Variants in RFTN2 observed in about 807,000 individuals in gnomAD.
The protein encoded by RFTN2 is raftlin family member 2.
A neutral mutation model predicts 52.7 loss-of-function variants in RFTN2; 34 were observed. That is an observed-to-expected ratio of 0.64 (90% CI 0.49 to 0.86). The LOEUF (loss-of-function observed/expected upper bound fraction) is 0.86, where lower values mean the gene tolerates loss of function less well. Among genes scored for constraint, RFTN2 ranks in the 40% least tolerant of loss-of-function variants. RFTN2 has a pLI of 0.00. For synonymous variants in RFTN2, 203 were observed against 217.7 expected, an observed-to-expected ratio of 0.93 and a Z score of 0.59; for missense variants, 536 against 600.1, an observed-to-expected ratio of 0.89 and a Z score of 1.12.
intron 8 of RFTN2, among the ~76,000 whole-genome samples, chr2:197,578,208 A>G (rs1168685704): frequency 2.6e-5 from 4 of 152,160 alleles, no homozygotes; most frequent in African/African-American, 9.7e-5. Flanking sequence ...ACTTAACAAG[A>G]ATTTTCTTAA....
chr2:197,633,869 A>G lies in RFTN2; in HGVS notation c.567T>C (p.Gly189=), dbSNP rs2088508886. The G allele has an allele frequency of 1.2e-6, 2 of 1,613,838 alleles. No homozygotes were observed. The highest frequency in any genetic ancestry group is 1.7e-6 in the Non-Finnish European group (2 of 1,179,866). ...DIESMLHVRH[G]SDENCRSWNE... is the part of the protein sequence containing the mutation. Reference sequence around the variant, plus strand: ...TCCAACTTCTACAGTTTTCATCTGAACCGTGTCTCACATGTAGCATCGATT... The same window carrying G: ...TCCAACTTCTACAGTTTTCATCTGAGCCGTGTCTCACATGTAGCATCGATT... Residue 189 remains glycine, a synonymous_variant, in exon 4 of 9, where the codon GGT becomes GGC. Transcript: ENST00000295049.
At chr2:197,647,053 A>C (rs2088763507) in intron 1 of RFTN2, among the ~76,000 whole-genome samples, 1 of 152,202 alleles carries the variant, frequency 6.6e-6, no homozygotes. Flanking sequence ...TAAAGCAGAA[A>C]TACAATGTCT....
At chr2:197,592,071 G>T (rs1264339077) in intron 8 of RFTN2, among the ~76,000 whole-genome samples, 1 of 152,224 alleles carries the variant, frequency 6.6e-6, no homozygotes, top group South Asian at 2.1e-4. Flanking sequence ...CTGAGGAGGC[G>T]CGGAGAGTGA....
chr2:197,641,742 CTT>C (rs1445515468), intron 3 of RFTN2, among the ~76,000 whole-genome samples: 6 of 152,108 alleles, frequency 3.9e-5, no homozygotes, highest in African/African-American at 9.7e-5. Context: ...ACAACCAACT[CTT>C]TACACAAGGC....
intron 8 of RFTN2, among the ~76,000 whole-genome samples, chr2:197,588,945 C>T (rs1357978377): frequency 6.6e-6 from 1 of 152,050 alleles, no homozygotes; most frequent in Non-Finnish European, 1.5e-5. Context: ...AAAATGGGGC[C>T]AGGCACAGTG....
At chr2:197,591,167 G>A (rs988436583) in intron 8 of RFTN2, among the ~76,000 whole-genome samples, 1 of 152,134 alleles carries the variant, frequency 6.6e-6, no homozygotes, top group Non-Finnish European at 1.5e-5. Flanking sequence ...AATACAGAGT[G>A]CTCTTTGGTG....
intron 8 of RFTN2, among the ~76,000 whole-genome samples, chr2:197,578,779 TGG>T (rs369167641): frequency 1.3e-5 from 2 of 152,330 alleles, no homozygotes; most frequent in African/African-American, 4.8e-5. Context: ...GCATGACATT[TGG>T]TGCCGTGATT....
At chr2:197,589,359 T>G (rs72914994) in intron 8 of RFTN2, among the ~76,000 whole-genome samples, 2 of 151,064 alleles carry the variant, frequency 1.3e-5, no homozygotes, top group Non-Finnish European at 2.9e-5. Context: ...TCCTCAGCCA[T>G]GAGGAACTCT....
intron 7 of RFTN2, among the ~76,000 whole-genome samples, chr2:197,608,477 A>G (rs1464225529): frequency 2.0e-5 from 3 of 151,558 alleles, no homozygotes; most frequent in African/African-American, 7.3e-5. Context: ...ACGCGCAGCT[A>G]ATTTTTTTGT....
At chr2:197,583,546 G>C (rs1357656030) in intron 8 of RFTN2, among the ~76,000 whole-genome samples, 1 of 151,920 alleles carries the variant, frequency 6.6e-6, no homozygotes, top group Admixed American at 6.6e-5. Context: ...TTCAGGAAAG[G>C]TAGAACGGAC....
At chr2:197,646,786 A>G (rs539102799) in intron 1 of RFTN2, 120 bp from the exon 2 acceptor site, 8 of 706,866 alleles carry the variant, frequency 1.1e-5, no homozygotes, top group East Asian at 3.2e-5. Flanking sequence ...GCAATGGCAC[A>G]TGCGTGTAAT....
intron 3 of RFTN2, among the ~76,000 whole-genome samples, chr2:197,635,002 T>C (rs932185239): frequency 7.9e-5 from 12 of 151,126 alleles, no homozygotes; most frequent in African/African-American, 2.4e-4. Flanking sequence ...TTTTTTGTTC[T>C]TGCGATAGTT....
At chr2:197,668,599 C>T (rs1461095683) in intron 1 of RFTN2, among the ~76,000 whole-genome samples, 1 of 152,134 alleles carries the variant, frequency 6.6e-6, no homozygotes, top group Non-Finnish European at 1.5e-5. Context: ...GGTTGTACCT[C>T]AGGCCTGGCT....
chr2:197,659,491 A>T (rs1163294548), intron 1 of RFTN2, among the ~76,000 whole-genome samples: 1 of 151,378 alleles, frequency 6.6e-6, no homozygotes, highest in East Asian at 1.9e-4. Context: ...AAAAAAAAAA[A>T]AAAAAAAAGA....
At chr2:197,585,995 G>A (rs1040090269) in intron 8 of RFTN2, among the ~76,000 whole-genome samples, 4 of 152,000 alleles carry the variant, frequency 2.6e-5, no homozygotes, top group Admixed American at 1.3e-4. Flanking sequence ...TTTCACCTTC[G>A]TGATGTTCCT....
chr2:197,609,751 G>T (rs980901569), intron 7 of RFTN2, among the ~76,000 whole-genome samples: 19 of 152,152 alleles, frequency 1.2e-4, no homozygotes, highest in African/African-American at 4.6e-4. Flanking sequence ...ATGGTTTTAG[G>T]TGTTACATGT....
chr2:197,642,894 G>A (rs1207308308), intron 3 of RFTN2, among the ~76,000 whole-genome samples: 1 of 152,112 alleles, frequency 6.6e-6, no homozygotes, highest in Non-Finnish European at 1.5e-5. Flanking sequence ...CAGGAGAATT[G>A]CTTGAGTTCA....
intron 1 of RFTN2, among the ~76,000 whole-genome samples, chr2:197,674,928 A>G (rs2089195959): frequency 6.6e-6 from 1 of 152,198 alleles, no homozygotes; most frequent in Non-Finnish European, 1.5e-5. Flanking sequence ...CCACGATATG[A>G]TGCAAGTAAT....
chr2:197,590,738 G>C (rs1159980033), intron 8 of RFTN2, among the ~76,000 whole-genome samples: 1 of 151,986 alleles, frequency 6.6e-6, no homozygotes, highest in Non-Finnish European at 1.5e-5. Context: ...AGACCTCCAC[G>C]GTGAGTGTTA....
Sources: allele counts gnomAD v4.1 joint callset (sites outside exome capture counted in the v4.1 genomes callset), GRCh38; gene constraint gnomAD v4.1.1; transcripts MANE v1.5; gene names NCBI Gene and HGNC (gene_info 2026-07-23, HGNC 2026-07-21).